CDC14A: variants seen among roughly 807,000 people sequenced by gnomAD.
CDC14A encodes the protein cell division cycle 14A.
A neutral mutation model predicts 74.4 loss-of-function variants in CDC14A; 53 were observed. That is an observed-to-expected ratio of 0.71 (90% CI 0.57 to 0.89). The LOEUF is 0.89. CDC14A is among the 40% of genes least tolerant of loss of function. The pLI is 0.00. For missense variants in CDC14A, 646 were observed against 713.7 expected, an observed-to-expected ratio of 0.91 and a Z score of 1.08; for synonymous variants, 247 against 258.4, an observed-to-expected ratio of 0.96 and a Z score of 0.43.
upstream of CDC14A, among the ~76,000 whole-genome samples, chr1:100,348,093 C>T (rs1650584512): frequency 6.6e-6 from 1 of 151,992 alleles, no homozygotes; most frequent in Admixed American, 6.5e-5. Context: ...ACCATCCTGG[C>T]CAATATGGCA....
At chr1:100,390,899 C>A in intron 4 of CDC14A, 75 bp downstream of exon 4, 2 of 1,034,158 alleles carry the variant, frequency 1.9e-6, no homozygotes, top group Non-Finnish European at 1.5e-6. Flanking sequence ...AAATCCAAAC[C>A]AGTTTTTCAG....
chr1:100,412,699 TATATA>T (rs1660880669), intron 4 of CDC14A, among the ~76,000 whole-genome samples: 1 of 38,350 alleles, frequency 2.6e-5, no homozygotes, highest in Non-Finnish European at 4.9e-5. Context: ...GTATGTTTTA[TATATA>T]TATATATATA....
intron 7 of CDC14A, among the ~76,000 whole-genome samples, chr1:100,444,927 A>G (rs896774276): frequency 6.6e-6 from 1 of 152,214 alleles, no homozygotes; most frequent in Non-Finnish European, 1.5e-5. Flanking sequence ...ATTTATGAAA[A>G]AAACCCAAAG....
chr1:100,350,400 A>G (rs1384435291), upstream of CDC14A, among the ~76,000 whole-genome samples: 1 of 152,246 alleles, frequency 6.6e-6, no homozygotes, highest in African/African-American at 2.4e-5. Flanking sequence ...GCCCCATGCA[A>G]TATTTTAAAA....
chr1:100,355,205 G>T (rs901676578), intron 2 of CDC14A, among the ~76,000 whole-genome samples: 3 of 152,204 alleles, frequency 2.0e-5, no homozygotes, highest in Non-Finnish European at 2.9e-5. Context: ...TCACTCTGTT[G>T]TTGGGAATGT....
intron 2 of CDC14A, among the ~76,000 whole-genome samples, chr1:100,372,103 G>A (rs1277182546): frequency 1.3e-5 from 2 of 152,202 alleles, no homozygotes; most frequent in Admixed American, 6.5e-5. Flanking sequence ...GTAGCATTGT[G>A]TCTAAGAAAG....
At chr1:100,476,264 T>C (rs1157253586) in intron 10 of CDC14A, among the ~76,000 whole-genome samples, 1 of 152,028 alleles carries the variant, frequency 6.6e-6, no homozygotes, top group African/African-American at 2.4e-5. Context: ...ACCAGCCTGA[T>C]CAATGTGGTG....
chr1:100,359,903 G>A (rs1652449355), intron 2 of CDC14A, among the ~76,000 whole-genome samples: 1 of 149,522 alleles, frequency 6.7e-6, no homozygotes, highest in African/African-American at 2.5e-5. Flanking sequence ...CCAAACCTTG[G>A]AAAAGTAATA....
intron 15 of CDC14A, among the ~76,000 whole-genome samples, chr1:100,511,875 A>G (rs1294352268): frequency 6.6e-6 from 1 of 152,160 alleles, no homozygotes; most frequent in African/African-American, 2.4e-5. Context: ...AGAGCTAATC[A>G]AATCCTTCTC....
intron 6 of CDC14A, among the ~76,000 whole-genome samples, chr1:100,442,106 A>G (rs1664991343): frequency 6.6e-6 from 1 of 151,616 alleles, no homozygotes; most frequent in African/African-American, 2.4e-5. Flanking sequence ...AAAAGTTCTA[A>G]GTCATTGTTT....
At chr1:100,396,914 A>G (rs1256977039) in intron 4 of CDC14A, among the ~76,000 whole-genome samples, 1 of 152,146 alleles carries the variant, frequency 6.6e-6, no homozygotes, top group African/African-American at 2.4e-5. Context: ...GCTTTCTCTC[A>G]TAGAGCTGTC....
At position 100,392,515 on chromosome 1, in the gene CDC14A, C is replaced by T. The variant is rs961176569; in HGVS notation, c.309+1691C>T. Among the ~76,000 whole-genome samples, 7 of 151,900 alleles carry T rather than the reference C, an allele frequency of 4.6e-5. No individual in the cohort carries two copies. In the South Asian group the frequency reaches 1.5e-3, roughly 32 times the overall value. ...ATTCATATTCGTCTGGTTTATCTAC[C>T]CAAAGTGTTCAGGACAGTGTTCAGC... On this transcript the variant is annotated intron_variant, in intron 4 of 15. Transcript: ENST00000336454.
chr1:100,513,496 T>G (rs1041845733), intron 15 of CDC14A, among the ~76,000 whole-genome samples: 2 of 152,160 alleles, frequency 1.3e-5, no homozygotes, highest in African/African-American at 4.8e-5. Flanking sequence ...ATTTTGACCT[T>G]AGTAGGATGC....
At chr1:100,392,974 A>T (rs1431016908) in intron 4 of CDC14A, 2 of 1,137,762 alleles carry the variant, frequency 1.8e-6, no homozygotes, top group East Asian at 2.4e-5. Flanking sequence ...TTAACAGTTC[A>T]TTAAAAGTTC....
At chr1:100,458,746 T>C (rs1178706872) in intron 8 of CDC14A, among the ~76,000 whole-genome samples, 1 of 151,730 alleles carries the variant, frequency 6.6e-6, no homozygotes, top group Non-Finnish European at 1.5e-5. Context: ...CTGAAAGTCA[T>C]TTTAGAGGCT....
upstream of CDC14A, among the ~76,000 whole-genome samples, chr1:100,347,689 T>G (rs1262017322): frequency 6.6e-6 from 1 of 152,238 alleles, no homozygotes; most frequent in Non-Finnish European, 1.5e-5. Context: ...AATATGTATA[T>G]GAATAAATAA....
chr1:100,379,717 A>G (rs1655808706), intron 3 of CDC14A, among the ~76,000 whole-genome samples: 1 of 152,240 alleles, frequency 6.6e-6, no homozygotes, highest in Non-Finnish European at 1.5e-5. Flanking sequence ...AGAGTTTTAT[A>G]TAGCTCATGG....
chr1:100,383,073 A>G (rs1656368331), intron 3 of CDC14A, among the ~76,000 whole-genome samples: 1 of 152,204 alleles, frequency 6.6e-6, no homozygotes, highest in Admixed American at 6.5e-5. Flanking sequence ...AAGAAAAGCA[A>G]GCTACATTCT....
At chr1:100,377,293 G>C (rs552169035) in intron 2 of CDC14A, among the ~76,000 whole-genome samples, 9 of 152,248 alleles carry the variant, frequency 5.9e-5, no homozygotes, top group African/African-American at 2.2e-4. Flanking sequence ...GCCTGCCCCA[G>C]CCTCCCAAAG....
Sources: gnomAD v4.1 joint callset for allele counts (sites outside exome capture counted in the v4.1 genomes callset) on GRCh38, gnomAD v4.1.1 for gene constraint, MANE v1.5 for transcripts, NCBI Gene and HGNC (gene_info 2026-07-23, HGNC 2026-07-21) for gene names.